ATAD2B: variants seen among roughly 807,000 people sequenced by gnomAD.
The protein encoded by ATAD2B is ATPase family AAA domain-containing protein 2B.
In ATAD2B, 40 loss-of-function variants were observed where a neutral mutation model predicts 167.6. The ratio of observed to expected loss-of-function variants is 0.24; its 90% confidence interval spans 0.19 to 0.31. The LOEUF (loss-of-function observed/expected upper bound fraction) is 0.31. ATAD2B is among the 10% of genes least tolerant of loss of function. ATAD2B has a pLI of 1.00. For synonymous variants in ATAD2B, 579 were observed against 596.5 expected (o/e 0.97, Z 0.43); for missense variants, 1,242 against 1,757.2 (o/e 0.71, Z 5.24).
At chr2:23,864,662 T>G in intron 11 of ATAD2B, 147 bp downstream of exon 11, 1 of 444,908 alleles carries the variant, frequency 2.2e-6, no homozygotes, top group Non-Finnish European at 3.9e-6. Flanking sequence ...CTCTGGACCC[T>G]AAACAATAAC....
intron 2 of ATAD2B, among the ~76,000 whole-genome samples, chr2:23,895,237 CT>C (rs1310016755): frequency 6.6e-6 from 1 of 152,010 alleles, no homozygotes; most frequent in African/African-American, 2.4e-5. Flanking sequence ...ATGTTTAAAT[CT>C]TTTCTATGTG....
the ATAD2B span, among the ~76,000 whole-genome samples, chr2:23,686,014 C>T: frequency 1.3e-5 from 2 of 152,184 alleles, no homozygotes; most frequent in South Asian, 4.1e-4. Flanking sequence ...AGAGACCGCA[C>T]ATTGAAAGCC....
chr2:23,691,728 G>C, the ATAD2B span: 1 of 1,551,790 alleles, frequency 6.4e-7, no homozygotes, highest in Non-Finnish European at 8.7e-7. Flanking sequence ...TCGTCCTGTC[G>C]AACCTGCAGG....
chr2:23,917,139 C>T (rs1047808697), intron 1 of ATAD2B, among the ~76,000 whole-genome samples: 1 of 152,222 alleles, frequency 6.6e-6, no homozygotes, highest in South Asian at 2.1e-4. Flanking sequence ...ATGGCACTTA[C>T]ATTTTAGTGT....
intron 22 of ATAD2B, among the ~76,000 whole-genome samples, chr2:23,777,895 C>T (rs752984732): frequency 1.3e-5 from 2 of 152,204 alleles, no homozygotes; most frequent in African/African-American, 4.8e-5. Context: ...GGGAGACAAT[C>T]TGGGTCAACA....
chr2:23,917,055 G>A (rs1703141388), intron 1 of ATAD2B, among the ~76,000 whole-genome samples: 1 of 152,222 alleles, frequency 6.6e-6, no homozygotes, highest in African/African-American at 2.4e-5. Context: ...CATTCACATA[G>A]ACTACAGCGT....
chr2:23,800,601 G>A (rs1295643221), intron 18 of ATAD2B, among the ~76,000 whole-genome samples: 2 of 151,852 alleles, frequency 1.3e-5, no homozygotes, highest in Admixed American at 1.3e-4. Flanking sequence ...TCCTCCAATT[G>A]TCTCAAAATT....
chr2:23,681,818 T>G, the ATAD2B span, among the ~76,000 whole-genome samples: 1 of 152,208 alleles, frequency 6.6e-6, no homozygotes, highest in East Asian at 1.9e-4. This position sits in a 1 kb window ranked among gnomAD's most constrained non-coding sequence, Gnocchi z 4.2. Flanking sequence ...TGGCTCGTGG[T>G]TTGGGCATTA....
chr2:23,869,431 C>T (rs1695594432), intron 9 of ATAD2B, among the ~76,000 whole-genome samples: 1 of 152,184 alleles, frequency 6.6e-6, no homozygotes, highest in African/African-American at 2.4e-5. Flanking sequence ...TTTCCCTTAG[C>T]TCTCCTTACT....
At chr2:23,903,623 A>G (rs17762782) in intron 1 of ATAD2B, among the ~76,000 whole-genome samples, 18,641 of 152,254 alleles carry the variant, frequency 0.12, 1,229 homozygotes, top group Middle Eastern at 0.22. Context: ...ATAACTAGAA[A>G]TGAATAGATG....
At chr2:23,841,480 C>T (rs745429206) in intron 13 of ATAD2B, among the ~76,000 whole-genome samples, 18 of 151,944 alleles carry the variant, frequency 1.2e-4, no homozygotes. Context: ...ATAATGTCTT[C>T]AAGATTCATC....
chr2:23,912,516 C>A (rs1019651637), intron 1 of ATAD2B, among the ~76,000 whole-genome samples: 17 of 149,382 alleles, frequency 1.1e-4, no homozygotes, highest in African/African-American at 3.7e-4. Context: ...CAAAAAAAAA[C>A]GAAAGGAAAA....
the ATAD2B span, among the ~76,000 whole-genome samples, chr2:23,730,842 G>A: frequency 6.6e-6 from 1 of 151,262 alleles, no homozygotes; most frequent in Non-Finnish European, 1.5e-5. Context: ...CACAAAGCAA[G>A]CAGAAGTGTA....
chr2:23,884,086 G>T (rs56813073), intron 6 of ATAD2B, among the ~76,000 whole-genome samples: 222 of 152,270 alleles, frequency 1.5e-3, no homozygotes, highest in African/African-American at 5.2e-3. Flanking sequence ...GGAGGTTGCA[G>T]TGAGCCAAGA....
intron 22 of ATAD2B, among the ~76,000 whole-genome samples, chr2:23,777,694 A>G (rs1243531581): frequency 6.6e-6 from 1 of 152,206 alleles, no homozygotes; most frequent in Non-Finnish European, 1.5e-5. Flanking sequence ...GATGGTATAT[A>G]GCATATGAAT....
the ATAD2B span, among the ~76,000 whole-genome samples, chr2:23,710,709 C>T: frequency 6.6e-6 from 1 of 152,076 alleles, no homozygotes; most frequent in Admixed American, 6.5e-5. Context: ...CAGAATAATA[C>T]AAATGAAAAA....
At chr2:23,717,701 G>A in the ATAD2B span, among the ~76,000 whole-genome samples, 3 of 152,016 alleles carry the variant, frequency 2.0e-5, no homozygotes, top group Admixed American at 6.6e-5. Context: ...AAAAGACTTC[G>A]AAAGGAGAAG....
chr2:23,810,171 C>G, intron 18 of ATAD2B, 145 bp downstream of exon 18: 2 of 679,852 alleles, frequency 2.9e-6, no homozygotes, highest in Non-Finnish European at 4.7e-6. Flanking sequence ...TACACTAATA[C>G]TAGAATGCTA....
chr2:23,813,745 A>AAAAAT (rs897546373), intron 17 of ATAD2B, among the ~76,000 whole-genome samples: 4 of 152,144 alleles, frequency 2.6e-5, no homozygotes, highest in African/African-American at 4.8e-5. Context: ...ACCTTGTCTC[A>AAAAAT]AAAATAAAAT....
Sources: allele counts gnomAD v4.1 joint callset (sites outside exome capture counted in the v4.1 genomes callset), GRCh38; gene constraint gnomAD v4.1.1; non-coding constraint Gnocchi (gnomAD v3.1); transcripts MANE v1.5; gene names NCBI Gene and HGNC (gene_info 2026-07-23, HGNC 2026-07-21).